The following CACHD1 variants were observed in gnomAD, a reference collection of about 807,000 sequenced individuals.
The protein encoded by CACHD1 is VWFA and cache domain-containing protein 1.
In CACHD1, 71 loss-of-function variants were observed where a neutral mutation model predicts 138.7. The ratio of observed to expected loss-of-function variants is 0.51; its 90% CI spans 0.42 to 0.62. CACHD1 has a LOEUF of 0.62. CACHD1 is among the 20% of genes least tolerant of loss of function. The pLI is 0.00. For missense variants in CACHD1, 1,389 were observed against 1,625.3 expected, an observed-to-expected ratio of 0.85 and a Z score of 2.50; for synonymous variants, 578 against 591.5, an observed-to-expected ratio of 0.98 and a Z score of 0.33.
chr1:64,477,624 A>ATTATTG (rs1185911415), intron 1 of CACHD1, among the ~76,000 whole-genome samples: 80 of 104,182 alleles, frequency 7.7e-4, no homozygotes, highest in Non-Finnish European at 1.3e-3. Context: ...TATTATTATT[A>ATTATTG]TTTTATTTTA....
rs374577348 is a variant in CACHD1 at position 64,496,089 on chromosome 1, T to G, written c.198+25147T>G. ...GGCCCATGTCCCAGACAATGCATCCTAGAACATGAGTGGTAGTGAAAGTGA... is the reference window on the plus strand; with the variant it reads ...GGCCCATGTCCCAGACAATGCATCCGAGAACATGAGTGGTAGTGAAAGTGA... On this transcript the variant is annotated intron_variant, in intron 1 of 26. Coordinates refer to ENST00000651257, the MANE Select transcript of CACHD1 (RefSeq NM_020925.4). Among the ~76,000 whole-genome samples the G allele has an allele frequency of 1.8e-4, 27 of 152,324 alleles. No individual in the cohort carries two copies. In the South Asian group the frequency reaches 5.4e-3, roughly 30 times the overall value.
rs574440820 is a variant in CACHD1 at position 64,543,770 on chromosome 1, G to T, written c.199-6824G>T. ...AGGGTTCCCTTCAAACCTGGTAAAA[G>T]ATTATTCATGGGGTATACTTAGGGA... is the stretch of plus-strand genomic sequence containing the variant. On this transcript the variant is annotated intron_variant, in intron 1 of 26. Coordinates refer to ENST00000651257, the MANE Select transcript of CACHD1 (RefSeq NM_020925.4). Among the ~76,000 whole-genome samples, 41 of 149,544 alleles carry T rather than the reference G, an allele frequency of 2.7e-4. No homozygotes were observed. The South Asian group carries it at 8.4e-3, about 31-fold the overall frequency.
chr1:64,478,975 TA>T (rs76928740), intron 1 of CACHD1, among the ~76,000 whole-genome samples: 3,348 of 136,142 alleles, frequency 0.025, 68 homozygotes, highest in African/African-American at 0.061. Flanking sequence ...TAATTCAGTT[TA>T]AAAAAAAAAA....
chr1:64,677,102 G>C, intron 22 of CACHD1, 91 bp downstream of exon 22: 1 of 991,930 alleles, frequency 1.0e-6, no homozygotes, highest in Non-Finnish European at 1.5e-6. Context: ...CAGTTTTTCA[G>C]ATCTGAAACT....
intron 1 of CACHD1, among the ~76,000 whole-genome samples, chr1:64,544,318 C>A (rs558875253): frequency 6.6e-6 from 1 of 152,310 alleles, no homozygotes; most frequent in South Asian, 2.1e-4. Flanking sequence ...TCTGCTGTAG[C>A]ATTCATTTCA....
intron 2 of CACHD1, among the ~76,000 whole-genome samples, chr1:64,567,139 T>C (rs1017856785): frequency 6.6e-6 from 1 of 152,132 alleles, no homozygotes; most frequent in Non-Finnish European, 1.5e-5. Context: ...CTCTAGTAAG[T>C]GGTAGGCAGG....
At chr1:64,532,400 G>A (rs1233750775) in intron 1 of CACHD1, among the ~76,000 whole-genome samples, 1 of 152,212 alleles carries the variant, frequency 6.6e-6, no homozygotes, top group African/African-American at 2.4e-5. Flanking sequence ...CACGAGTAGA[G>A]CATCAGGTGT....
chr1:64,678,174 G>A lies in CACHD1; in HGVS notation c.3108G>A (p.Val1036=). 6.2e-7 allele frequency: 1 copy of A among 1,611,796 alleles called. No homozygotes were observed. The highest frequency in any genetic ancestry group is 8.5e-7 in the Non-Finnish European group (1 of 1,179,134). ...TTTCTGGCAGGGACTGTTTTGGGGT[G>A]CTGGATTGTGAATGGTGCATGGTGG... ...QRLESGDCFG[V]LDCEWCMVDS... is the part of the protein sequence containing the mutation. Residue 1036 remains valine, a synonymous_variant, in exon 23 of 27, where the codon GTG becomes GTA. Coordinates refer to ENST00000651257, the MANE Select transcript of CACHD1 (RefSeq NM_020925.4).
chr1:64,676,516 T>G (rs986944115), intron 21 of CACHD1, among the ~76,000 whole-genome samples: 10 of 152,174 alleles, frequency 6.6e-5, no homozygotes, highest in Admixed American at 6.5e-4. Flanking sequence ...TTGCTCAGGA[T>G]GGAGTGCAGT....
intron 1 of CACHD1, among the ~76,000 whole-genome samples, chr1:64,499,370 C>CA (rs1269947574): frequency 6.6e-6 from 1 of 152,214 alleles, no homozygotes; most frequent in African/African-American, 2.4e-5. Context: ...TGCCAGTACA[C>CA]AAAATCAGTG....
chr1:64,590,144 A>G (rs1400365575), intron 3 of CACHD1, among the ~76,000 whole-genome samples: 1 of 152,062 alleles, frequency 6.6e-6, no homozygotes, highest in Non-Finnish European at 1.5e-5. Flanking sequence ...CGTCTCTACT[A>G]AAAACAAACA....
chr1:64,472,475 A>G (rs952221631), intron 1 of CACHD1, among the ~76,000 whole-genome samples: 9 of 152,156 alleles, frequency 5.9e-5, no homozygotes, highest in African/African-American at 1.7e-4. Context: ...ATTTGCAGAC[A>G]CCCAGCCCTG....
chr1:64,577,672 C>T (rs1035922086), intron 2 of CACHD1, among the ~76,000 whole-genome samples: 8 of 152,118 alleles, frequency 5.3e-5, no homozygotes, highest in African/African-American at 1.7e-4. Context: ...TGTGAGAGGC[C>T]TAAAATTGTG....
chr1:64,592,482 C>T (rs926234503), intron 3 of CACHD1, among the ~76,000 whole-genome samples: 2 of 152,122 alleles, frequency 1.3e-5, no homozygotes, highest in Non-Finnish European at 2.9e-5. Context: ...ACAAAGGCCT[C>T]GTAATGCTCA....
At chr1:64,551,249 C>G (rs375148279) in intron 2 of CACHD1, among the ~76,000 whole-genome samples, 2 of 151,484 alleles carry the variant, frequency 1.3e-5, no homozygotes, top group South Asian at 4.2e-4. Flanking sequence ...TTCTCCCCTC[C>G]CATCTTCTTT....
chr1:64,543,398 A>AATATATATATATAT (rs1553131362), intron 1 of CACHD1, among the ~76,000 whole-genome samples: 9 of 53,074 alleles, frequency 1.7e-4, no homozygotes, highest in African/African-American at 7.2e-4. Context: ...TCTAAAAAAA[A>AATATATATATATAT]ATACATATAT....
intron 1 of CACHD1, 79 bp from the exon 2 acceptor site, chr1:64,550,515 A>G: frequency 2.9e-6 from 3 of 1,029,258 alleles, no homozygotes; most frequent in Non-Finnish European, 4.5e-6. Flanking sequence ...TATTTGTTGT[A>G]AACAAATTAT....
chr1:64,502,556 ATG>A (rs145000403), intron 1 of CACHD1, among the ~76,000 whole-genome samples: 1 of 151,438 alleles, frequency 6.6e-6, no homozygotes, highest in African/African-American at 2.4e-5. Context: ...GCATGCATCT[ATG>A]TGTGTGTGTG....
chr1:64,512,347 T>C (rs1646426823), intron 1 of CACHD1, among the ~76,000 whole-genome samples: 1 of 140,720 alleles, frequency 7.1e-6, no homozygotes, highest in Non-Finnish European at 1.5e-5. Flanking sequence ...TGAGCTGAGA[T>C]TGCACCACTG....
Sources: allele counts gnomAD v4.1 joint callset (sites outside exome capture counted in the v4.1 genomes callset), GRCh38; gene constraint gnomAD v4.1.1; transcripts MANE v1.5; gene names NCBI Gene and HGNC (gene_info 2026-07-23, HGNC 2026-07-21).